The following INPP4B variants were observed in gnomAD, a reference collection of about 807,000 sequenced individuals.
The protein encoded by INPP4B is inositol polyphosphate-4-phosphatase type II B, also known as inositol polyphosphate 4-phosphatase type II.
A neutral mutation model predicts 122.5 loss-of-function variants in INPP4B; 55 were observed. That is an observed-to-expected ratio of 0.45 (90% CI 0.36 to 0.56). The LOEUF is 0.56. Among genes scored for constraint, INPP4B ranks in the 20% least tolerant of loss-of-function variants. The probability of loss-of-function intolerance (pLI) is 0.00; values close to 1 mark genes in which losing one functional copy is unlikely to be tolerated. For missense variants in INPP4B, 1,000 were observed against 1,097.7 expected, an observed-to-expected ratio of 0.91 and a Z score of 1.26; for synonymous variants, 403 against 388.7, an observed-to-expected ratio of 1.04 and a Z score of -0.43.
chr4:142,736,847 T>C (rs1277074540), intron 1 of INPP4B, among the ~76,000 whole-genome samples: 2 of 152,174 alleles, frequency 1.3e-5, no homozygotes, highest in Non-Finnish European at 2.9e-5. Flanking sequence ...TGAATAGGAC[T>C]GGTGAGAGAG....
intron 7 of INPP4B, among the ~76,000 whole-genome samples, chr4:142,352,212 A>G (rs1324004023): frequency 3.3e-5 from 5 of 151,964 alleles, no homozygotes; most frequent in Non-Finnish European, 5.9e-5. Flanking sequence ...GTATAGTACA[A>G]CGAAGGCCCT....
intron 3 of INPP4B, among the ~76,000 whole-genome samples, chr4:142,452,420 C>T (rs777675372): frequency 6.6e-6 from 1 of 152,154 alleles, no homozygotes. Flanking sequence ...GGAAAGCATC[C>T]TGAAGAATTA....
intron 12 of INPP4B, among the ~76,000 whole-genome samples, chr4:142,213,977 G>T (rs1450842458): frequency 1.5e-4 from 23 of 152,186 alleles, no homozygotes; most frequent in Admixed American, 1.5e-3. Flanking sequence ...ACCTCTTCAT[G>T]ATATATGGTC....
At chr4:142,758,782 G>T (rs1254702855) in intron 1 of INPP4B, among the ~76,000 whole-genome samples, 1 of 151,878 alleles carries the variant, frequency 6.6e-6, no homozygotes, top group Non-Finnish European at 1.5e-5. Flanking sequence ...GTGAAACCCC[G>T]TCTCTTCTAA....
chr4:142,488,744 C>A lies in INPP4B; in HGVS notation c.-190-26018G>T, dbSNP rs1297472873. ...GCATATTTGTCTTCTCTGTCAAACC[C>A]AGTATTGGTATTGTGTACTTTTCTT... On this transcript the variant is annotated intron_variant, in intron 2 of 25. Coordinates refer to ENST00000262992, the MANE Select transcript of INPP4B (RefSeq NM_001101669.3). 9.2e-5 allele frequency among the ~76,000 whole-genome samples: 14 copies of A among 152,042 alleles called. No individual in the cohort carries two copies. The East Asian group carries it at 2.7e-3, about 29-fold the overall frequency.
chr4:142,064,809 T>C (rs934918838), intron 25 of INPP4B, among the ~76,000 whole-genome samples: 1 of 152,158 alleles, frequency 6.6e-6, no homozygotes, highest in Non-Finnish European at 1.5e-5. Flanking sequence ...GAACAAAAGA[T>C]GACAACTATT....
At chr4:142,323,369 T>C (rs1283482328) in intron 7 of INPP4B, among the ~76,000 whole-genome samples, 1 of 151,840 alleles carries the variant, frequency 6.6e-6, no homozygotes, top group Non-Finnish European at 1.5e-5. Flanking sequence ...AAATGGGTCA[T>C]AATGAGAACA....
At chr4:142,092,458 T>A (rs1561090141) in intron 23 of INPP4B, among the ~76,000 whole-genome samples, 1 of 152,032 alleles carries the variant, frequency 6.6e-6, no homozygotes, top group African/African-American at 2.4e-5. Flanking sequence ...GCCTGGCTAA[T>A]TTTTGTATTT....
intron 5 of INPP4B, among the ~76,000 whole-genome samples, chr4:142,411,532 C>T (rs867414844): frequency 1.3e-5 from 2 of 152,070 alleles, no homozygotes; most frequent in South Asian, 4.2e-4. Flanking sequence ...TAAATCCATG[C>T]CTGTTAAGAG....
chr4:142,110,275 A>G (rs564562448), intron 22 of INPP4B, among the ~76,000 whole-genome samples: 24 of 152,234 alleles, frequency 1.6e-4, no homozygotes, highest in Admixed American at 5.9e-4. Flanking sequence ...TGACAGCCAG[A>G]AAAAGAGCCC....
At position 142,516,334 on chromosome 4, in the gene INPP4B, A is replaced by T. The variant is rs933720192; in HGVS notation, c.-190-53608T>A. 2.6e-5 allele frequency among the ~76,000 whole-genome samples: 4 copies of T among 152,236 alleles called. No individual in the cohort carries two copies. In the East Asian group the frequency reaches 7.7e-4, roughly 29 times the overall value. ...GTCTTAAACAGGAGCAAACAACTAC[A>T]GGATACGGGATTTAATAATAACAGT... On this transcript the variant is annotated intron_variant, in intron 2 of 25. Transcript: ENST00000262992.
intron 7 of INPP4B, among the ~76,000 whole-genome samples, chr4:142,380,245 T>C (rs1421877847): frequency 6.6e-6 from 1 of 152,212 alleles, no homozygotes; most frequent in African/African-American, 2.4e-5. Flanking sequence ...CCCTTTAAAG[T>C]TTCCCCTAGT....
intron 1 of INPP4B, among the ~76,000 whole-genome samples, chr4:142,814,941 G>A (rs1156677018): frequency 6.6e-6 from 1 of 152,108 alleles, no homozygotes; most frequent in Non-Finnish European, 1.5e-5. Flanking sequence ...GAGGGAGAGA[G>A]TAACGATGGG....
chr4:142,203,842 T>C (rs1170195173), intron 14 of INPP4B, among the ~76,000 whole-genome samples: 1 of 150,936 alleles, frequency 6.6e-6, no homozygotes, highest in Non-Finnish European at 1.5e-5. Flanking sequence ...ATGGTAAAGA[T>C]GAAAAAAAAA....
chr4:142,718,576 C>A (rs779352141), intron 2 of INPP4B, among the ~76,000 whole-genome samples: 1 of 152,228 alleles, frequency 6.6e-6, no homozygotes, highest in South Asian at 2.1e-4. Flanking sequence ...TAGCGCTGTG[C>A]CTTCTGTTCA....
intron 16 of INPP4B, among the ~76,000 whole-genome samples, chr4:142,161,125 G>A (rs951095133): frequency 2.0e-5 from 3 of 151,690 alleles, no homozygotes; most frequent in Admixed American, 6.6e-5. Flanking sequence ...TGAAAACATC[G>A]GGCCTGTTTT....
intron 17 of INPP4B, among the ~76,000 whole-genome samples, chr4:142,157,362 T>A (rs1184156320): frequency 1.3e-5 from 2 of 152,126 alleles, no homozygotes; most frequent in East Asian, 1.9e-4. Flanking sequence ...GGAAAATCAA[T>A]GAAAATGTTA....
chr4:142,280,744 A>AAAAATC (rs1750818874), intron 9 of INPP4B, among the ~76,000 whole-genome samples: 1 of 152,016 alleles, frequency 6.6e-6, no homozygotes, highest in Non-Finnish European at 1.5e-5. Flanking sequence ...AAACAAACAA[A>AAAAATC]AAAATCGCAC....
chr4:142,488,483 A>G (rs1224235758), intron 2 of INPP4B, among the ~76,000 whole-genome samples: 1 of 152,048 alleles, frequency 6.6e-6, no homozygotes, highest in African/African-American at 2.4e-5. Flanking sequence ...GTTTCCTATA[A>G]TTTACCAGTG....
Sources: gnomAD v4.1 joint callset for allele counts (sites outside exome capture counted in the v4.1 genomes callset) on GRCh38, gnomAD v4.1.1 for gene constraint, MANE v1.5 for transcripts, NCBI Gene and HGNC (gene_info 2026-07-23, HGNC 2026-07-21) for gene names.